Variants in CFAP58 observed in about 807,000 individuals in gnomAD.
The protein encoded by CFAP58 is cilia- and flagella-associated protein 58.
In CFAP58, 88 loss-of-function variants were observed where a neutral mutation model predicts 119.5. The ratio of observed to expected loss-of-function variants is 0.74; its 90% CI spans 0.62 to 0.88. CFAP58 has a LOEUF of 0.88. CFAP58 is among the 40% of genes least tolerant of loss of function. The pLI, the probability that CFAP58 is intolerant of heterozygous loss-of-function variation, is 0.00. For missense variants in CFAP58, 990 were observed against 1,021.2 expected, an observed-to-expected ratio of 0.97 and a Z score of 0.42; for synonymous variants, 365 against 366.3, an observed-to-expected ratio of 1.00 and a Z score of 0.04.
the CFAP58 span, among the ~76,000 whole-genome samples, chr10:104,345,026 T>G: frequency 6.6e-6 from 1 of 151,904 alleles, no homozygotes; most frequent in African/African-American, 2.4e-5. Flanking sequence ...CACATGCCTA[T>G]AGCCCAGCTA....
chr10:104,432,772 A>T (rs965168658), intron 15 of CFAP58, among the ~76,000 whole-genome samples: 9 of 152,206 alleles, frequency 5.9e-5, no homozygotes, highest in Non-Finnish European at 8.8e-5. Context: ...AACTGTTGGG[A>T]TTACAGGCGT....
chr10:104,421,016 G>A (rs2012648508), intron 15 of CFAP58, among the ~76,000 whole-genome samples: 1 of 152,188 alleles, frequency 6.6e-6, no homozygotes, highest in Non-Finnish European at 1.5e-5. Flanking sequence ...GCCTGCCAAA[G>A]TGCTGGAATT....
chr10:104,373,642 A>T (rs2014852631), intron 7 of CFAP58, among the ~76,000 whole-genome samples: 1 of 152,042 alleles, frequency 6.6e-6, no homozygotes, highest in Non-Finnish European at 1.5e-5. Context: ...GTGACAGAGC[A>T]AGTCTCTTTA....
chr10:104,427,373 A>G (rs994445919), intron 15 of CFAP58, among the ~76,000 whole-genome samples: 1 of 152,246 alleles, frequency 6.6e-6, no homozygotes, highest in Non-Finnish European at 1.5e-5. Context: ...CTGACTCTTA[A>G]TCTAGTGAGA....
Position 104,375,586 on chromosome 10 carries a change from G to A in CFAP58, c.1091-1225G>A, listed in dbSNP as rs534373130. On this transcript the variant is annotated intron_variant, in intron 7 of 17. Transcript: ENST00000369704. ...AATCAAACTCTGTAAAATATTTTAA[G>A]AGATTAATTCTGAGGCACATGTGAC... Among the ~76,000 whole-genome samples the A allele has an allele frequency of 4.0e-4, 61 of 152,286 alleles. 1 individual carries two copies. The highest frequency in any genetic ancestry group is 1.5e-3 in the African/African-American group (61 of 41,562).
intron 9 of CFAP58, among the ~76,000 whole-genome samples, chr10:104,385,260 T>G (rs955135126): frequency 2.0e-5 from 3 of 152,070 alleles, no homozygotes; most frequent in African/African-American, 7.2e-5. Context: ...TTAGAGGGTT[T>G]GGGGGCTTCC....
intron 11 of CFAP58, among the ~76,000 whole-genome samples, chr10:104,395,818 C>T (rs929043981): frequency 6.6e-6 from 1 of 152,146 alleles, no homozygotes; most frequent in African/African-American, 2.4e-5. Flanking sequence ...CTTGGAGGGG[C>T]AAGCCTTTGC....
intron 15 of CFAP58, among the ~76,000 whole-genome samples, chr10:104,409,876 AGTTT>A (rs2012433808): frequency 7.7e-6 from 1 of 130,470 alleles, no homozygotes; most frequent in African/African-American, 3.0e-5. Flanking sequence ...CTTTGTGTTT[AGTTT>A]GTTTATTGAT....
At chr10:104,382,002 A>G (rs977168910) in intron 9 of CFAP58, 34 of 665,428 alleles carry the variant, frequency 5.1e-5, no homozygotes, top group Middle Eastern at 2.4e-4. Flanking sequence ...TGTATTCATC[A>G]GTTTACACTG....
chr10:104,365,894 G>A lies in CFAP58; in HGVS notation c.678G>A (p.Lys226=), dbSNP rs150369617. The A allele has an allele frequency of 3.8e-4, 612 of 1,613,584 alleles. 1 individual carries two copies. In the African/African-American group the frequency reaches 6.5e-3, roughly 17 times the overall value. The stretch of plus-strand genomic sequence containing the variant: ...AGGAAAAACTAGAGAAAGAGCTCAA[G>A]CAGATTCAGGCAGACATGGACAGCA... ...RKKEKLEKEL[K]QIQADMDSRQ... The change falls in exon 5 of 18, where the codon AAG becomes AAA. Residue 226 remains lysine, a synonymous_variant. Coordinates refer to ENST00000369704, the MANE Select transcript of CFAP58 (RefSeq NM_001008723.2).
Position 104,393,340 on chromosome 10 carries a change from A to G in CFAP58, c.1539A>G (p.Thr513=), listed in dbSNP as rs1292011155. The G allele has an allele frequency of 1.9e-6, 3 of 1,612,780 alleles. No individual in the cohort carries two copies. The highest frequency in any genetic ancestry group is 2.5e-6 in the Non-Finnish European group (3 of 1,179,122). Residue 513 remains threonine, a synonymous_variant, in exon 11 of 18, where the codon ACA becomes ACG. Transcript: ENST00000369704. ...KNLVEAQDEI[T]DMKRKLKIMI... ...TTTCATTTGGTTAGGATGAAATAACAGATATGAAGAGAAAGTTAAAGATTA... is the reference window on the plus strand; with the variant it reads ...TTTCATTTGGTTAGGATGAAATAACGGATATGAAGAGAAAGTTAAAGATTA...
chr10:104,358,781 TG>T (rs1359094979), intron 2 of CFAP58, among the ~76,000 whole-genome samples, 159 bp downstream of exon 2: 1 of 152,214 alleles, frequency 6.6e-6, no homozygotes, highest in East Asian at 1.9e-4. Flanking sequence ...TCAAAGAAAA[TG>T]ATTTTTTAGC....
chr10:104,349,055 T>C (rs2014429861), upstream of CFAP58, among the ~76,000 whole-genome samples: 1 of 152,180 alleles, frequency 6.6e-6, no homozygotes, highest in African/African-American at 2.4e-5. Context: ...GAGACCAGCC[T>C]GGCTAACACG....
At chr10:104,384,009 T>G (rs2011873150) in intron 9 of CFAP58, among the ~76,000 whole-genome samples, 1 of 152,194 alleles carries the variant, frequency 6.6e-6, no homozygotes, top group African/African-American at 2.4e-5. Context: ...AAAGAATATT[T>G]TTTCAAAACA....
chr10:104,406,284 A>G (rs2012357762), intron 14 of CFAP58, among the ~76,000 whole-genome samples: 1 of 152,198 alleles, frequency 6.6e-6, no homozygotes, highest in African/African-American at 2.4e-5. Flanking sequence ...TCCTATCAGT[A>G]TAAAAGGAGA....
At chr10:104,340,323 C>T in the CFAP58 span, among the ~76,000 whole-genome samples, 1 of 152,192 alleles carries the variant, frequency 6.6e-6, no homozygotes, top group Admixed American at 6.5e-5. Context: ...TGCTTTTTCT[C>T]TCCCCTTGGA....
intron 2 of CFAP58, 29 bp from the exon 3 acceptor site, chr10:104,361,994 T>C (rs1340865339): frequency 9.4e-6 from 15 of 1,603,538 alleles, no homozygotes; most frequent in African/African-American, 1.3e-5. Flanking sequence ...AGTTTGGTCT[T>C]TCTCACTGAT....
upstream of CFAP58, among the ~76,000 whole-genome samples, chr10:104,352,466 G>A (rs2014471464): frequency 1.3e-5 from 2 of 152,204 alleles, no homozygotes; most frequent in Admixed American, 6.5e-5. Flanking sequence ...CAGAGATTTT[G>A]TGAGAATAAA....
In CFAP58 at chr10:104,358,233, A is replaced by C. The variant is rs17116960; in HGVS notation, c.10-108A>C. The C allele has an allele frequency of 2.5e-3, 2,824 of 1,143,906 alleles. 63 individuals are homozygous for C. In the African/African-American group the frequency reaches 0.04, roughly 16 times the overall value. 70.9% of individuals were successfully genotyped at this position (1,143,906 alleles called of 1,614,324 possible). On this transcript the variant is annotated intron_variant, in intron 1 of 17. Coordinates refer to ENST00000369704, the MANE Select transcript of CFAP58 (RefSeq NM_001008723.2). Reference sequence around the variant, plus strand: ...ATTTTTCTGCTTATCAGTGGTTTTAATTTTGCTCATATGGAGGTGTTTCAT... The same window carrying C: ...ATTTTTCTGCTTATCAGTGGTTTTACTTTTGCTCATATGGAGGTGTTTCAT...
Sources: allele counts gnomAD v4.1 joint callset (sites outside exome capture counted in the v4.1 genomes callset), GRCh38; gene constraint gnomAD v4.1.1; transcripts MANE v1.5; gene names NCBI Gene and HGNC (gene_info 2026-07-23, HGNC 2026-07-21).